Variants in CNTN5 observed in about 807,000 individuals in gnomAD.
CNTN5 encodes contactin 5, also known as contactin-5.
CNTN5 carries 77 observed loss-of-function variants against 129.1 expected under a neutral mutation model. That is an observed-to-expected ratio of 0.60 (90% CI 0.50 to 0.72). CNTN5 has a LOEUF of 0.72. Among genes scored for constraint, CNTN5 ranks in the 30% least tolerant of loss-of-function variants. The pLI, the probability that CNTN5 is intolerant of heterozygous loss-of-function variation, is 0.00. For missense variants in CNTN5, 1,478 were observed against 1,328.8 expected (o/e 1.11, Z -1.75); for synonymous variants, 509 against 465.6 (o/e 1.09, Z -1.20).
intron 1 of CNTN5, among the ~76,000 whole-genome samples, chr11:99,137,926 GGTGT>G (rs1163900689): frequency 6.6e-6 from 1 of 152,074 alleles, no homozygotes; most frequent in Non-Finnish European, 1.5e-5. Context: ...AAATGAAAAA[GGTGT>G]GTGTGTAACA....
intron 3 of CNTN5, among the ~76,000 whole-genome samples, chr11:99,585,952 TC>T (rs1949779553): frequency 6.6e-6 from 1 of 152,142 alleles, no homozygotes; most frequent in Admixed American, 6.5e-5. Context: ...GTTCTTTCTT[TC>T]CTTCCTTCCT....
intron 3 of CNTN5, among the ~76,000 whole-genome samples, chr11:99,638,100 G>C (rs570707143): frequency 7.8e-4 from 118 of 152,140 alleles, no homozygotes; most frequent in Admixed American, 3.6e-3. Context: ...GGTTTAATTG[G>C]ACTTACAGTT....
intron 2 of CNTN5, among the ~76,000 whole-genome samples, chr11:99,541,952 G>T (rs1370144247): frequency 9.0e-5 from 7 of 77,502 alleles, no homozygotes; most frequent in Non-Finnish European, 1.6e-4. Flanking sequence ...GGGAGATCTT[G>T]TCTCAAAAAA....
chr11:99,801,683 G>T lies in CNTN5; in HGVS notation c.56-17861G>T, dbSNP rs546412667. Among the ~76,000 whole-genome samples, 4 of 152,074 alleles carry T rather than the reference G, an allele frequency of 2.6e-5. No homozygotes were observed. The South Asian group carries it at 8.3e-4, about 32-fold the overall frequency. ...GGCTTATTTGAAAAGATCGGTTTAA[G>T]CTGTGAAATTCTTTCTTGTGCTTGG... On this transcript the variant is annotated intron_variant, in intron 3 of 24. Transcript: ENST00000524871.
At chr11:99,128,343 C>G (rs1023528951) in intron 1 of CNTN5, among the ~76,000 whole-genome samples, 10 of 152,196 alleles carry the variant, frequency 6.6e-5, no homozygotes, top group Admixed American at 6.5e-5. Flanking sequence ...GGGTGGTACT[C>G]CCCACAGCGT....
intron 13 of CNTN5, among the ~76,000 whole-genome samples, chr11:100,125,438 C>T (rs1424669697): frequency 3.3e-5 from 5 of 151,966 alleles, no homozygotes; most frequent in Admixed American, 1.3e-4. Flanking sequence ...CCTGGTACTT[C>T]GTTAATTCAC....
intron 2 of CNTN5, among the ~76,000 whole-genome samples, chr11:99,373,644 T>G (rs2136138710): frequency 7.5e-6 from 1 of 134,042 alleles, no homozygotes; most frequent in African/African-American, 2.8e-5. Flanking sequence ...ACCTGGGAGG[T>G]GGAGGTTGTA....
At chr11:99,225,337 G>T (rs1860625519) in intron 1 of CNTN5, among the ~76,000 whole-genome samples, 1 of 152,146 alleles carries the variant, frequency 6.6e-6, no homozygotes, top group Non-Finnish European at 1.5e-5. Flanking sequence ...GTTACCGCTG[G>T]AAAGGCTATT....
rs555387832 is a variant in CNTN5, at chr11:100,134,297, A to G, written c.1581-56829A>G. 2.6e-5 allele frequency among the ~76,000 whole-genome samples: 4 copies of G among 152,260 alleles called. No homozygotes were observed. In the South Asian group the frequency reaches 8.3e-4, roughly 32 times the overall value. On this transcript the variant is annotated intron_variant, in intron 13 of 24. Coordinates refer to ENST00000524871, the MANE Select transcript of CNTN5 (RefSeq NM_014361.4). The stretch of plus-strand genomic sequence containing the variant: ...TGTAAACCCTTGAGGATGTGCTTAC[A>G]GAATCTTATTTTCTTCTATGTTCCC...
chr11:100,130,029 A>T (rs1946324604), intron 13 of CNTN5, among the ~76,000 whole-genome samples: 1 of 152,176 alleles, frequency 6.6e-6, no homozygotes, highest in Admixed American at 6.5e-5. Flanking sequence ...TCTAATTTTT[A>T]CTGATGATGT....
At chr11:99,076,700 TGTTAAAAAAA>T (rs1271973587) in intron 1 of CNTN5, among the ~76,000 whole-genome samples, 1 of 152,176 alleles carries the variant, frequency 6.6e-6, no homozygotes, top group Non-Finnish European at 1.5e-5. Context: ...TGACATGATT[TGTTAAAAAAA>T]AAGTTTCTGA....
At chr11:99,688,233 C>T (rs1269818365) in intron 3 of CNTN5, among the ~76,000 whole-genome samples, 3 of 152,064 alleles carry the variant, frequency 2.0e-5, no homozygotes, top group East Asian at 1.9e-4. Flanking sequence ...ATGCAGACAG[C>T]ATCTTGCTAT....
intron 13 of CNTN5, among the ~76,000 whole-genome samples, chr11:100,162,171 G>A (rs931126197): frequency 1.3e-5 from 2 of 151,802 alleles, no homozygotes; most frequent in Non-Finnish European, 2.9e-5. Context: ...GACAGTGAAA[G>A]TACCAACGCA....
intron 13 of CNTN5, 125 bp downstream of exon 13, chr11:100,074,419 C>T (rs1944046280): frequency 2.3e-6 from 2 of 870,052 alleles, no homozygotes; most frequent in African/African-American, 1.7e-5. Context: ...CTGATTGAAA[C>T]ATGGTTTTGC....
chr11:99,402,228 G>A (rs999921813), intron 2 of CNTN5, among the ~76,000 whole-genome samples: 3 of 152,064 alleles, frequency 2.0e-5, no homozygotes, highest in Non-Finnish European at 4.4e-5. Context: ...CTTTTATTAT[G>A]TTGAGGTGTG....
chr11:99,818,455 CTT>C (rs1334583181), intron 3 of CNTN5, among the ~76,000 whole-genome samples: 1 of 152,028 alleles, frequency 6.6e-6, no homozygotes, highest in Non-Finnish European at 1.5e-5. Flanking sequence ...TGGGGTCTCA[CTT>C]TATTGCTTTT....
At chr11:100,005,300 C>T (rs1188081123) in intron 9 of CNTN5, among the ~76,000 whole-genome samples, 2 of 152,128 alleles carry the variant, frequency 1.3e-5, no homozygotes, top group Non-Finnish European at 2.9e-5. Flanking sequence ...TACTCTGCAC[C>T]TGTATCTCCT....
At chr11:99,549,519 C>T (rs1327671314) in intron 2 of CNTN5, among the ~76,000 whole-genome samples, 1 of 152,166 alleles carries the variant, frequency 6.6e-6, no homozygotes, top group Non-Finnish European at 1.5e-5. Context: ...TCCCAGCTTA[C>T]CACTCTTATT....
At chr11:99,796,657 GT>G (rs1382724098) in intron 3 of CNTN5, among the ~76,000 whole-genome samples, 1 of 151,658 alleles carries the variant, frequency 6.6e-6, no homozygotes. Context: ...GGCTGCTCTG[GT>G]AGAACTGGTC....
Sources: allele counts gnomAD v4.1 joint callset (sites outside exome capture counted in the v4.1 genomes callset), GRCh38; gene constraint gnomAD v4.1.1; transcripts MANE v1.5; gene names NCBI Gene and HGNC (gene_info 2026-07-23, HGNC 2026-07-21).